Variants in C16orf95 observed in about 807,000 individuals in gnomAD.
The protein encoded by C16orf95 is uncharacterized protein C16orf95.
C16orf95 carries 41 observed loss-of-function variants against 32.1 expected under a neutral mutation model. That is an observed-to-expected ratio of 1.28 (90% CI 1.00 to 1.66). The LOEUF is 1.66. Ranked by LOEUF, C16orf95 falls within the 40% of genes most tolerant of loss-of-function variation. The pLI is 0.00. For synonymous variants in C16orf95, 147 were observed against 128.9 expected, an observed-to-expected ratio of 1.14 and a Z score of -0.95; for missense variants, 399 against 325.9, an observed-to-expected ratio of 1.22 and a Z score of -1.73.
rs1911260139 is a variant in C16orf95 at position 87,311,050 on chromosome 16, G to A, written c.477+100C>T. On this transcript the variant is annotated intron_variant, in intron 4 of 6. Transcript: ENST00000567970. ...ACCAGCAGAGGCCTTTGTGGGAGCAGAGCCCAGGTACCCCTCTTCCCCTTC... is the reference window on the plus strand; with the variant it reads ...ACCAGCAGAGGCCTTTGTGGGAGCAAAGCCCAGGTACCCCTCTTCCCCTTC... 4.2e-6 allele frequency: 5 copies of A among 1,178,950 alleles called. No homozygotes were observed. The South Asian group carries it at 9.2e-5, about 22-fold the overall frequency. The allele number at this position is 1,178,950 out of a possible 1,614,324, so 73.0% of individuals were successfully genotyped here. A position where few individuals can be genotyped will look rare whatever the true frequency, so the allele number is the denominator to read the frequency against.
chr16:87,317,378 G>T lies in C16orf95; in HGVS notation c.-136C>A. Reference sequence around the variant, plus strand: ...CCCCAGCCCCAACCTCAACCGCTCAGAGGAGCCCAACAACGCCCGCGCGCC... The same window carrying T: ...CCCCAGCCCCAACCTCAACCGCTCATAGGAGCCCAACAACGCCCGCGCGCC... On this transcript the variant is annotated 5_prime_UTR_variant, in exon 1 of 7. The change creates a new upstream start codon in the 5' untranslated region. Transcript: ENST00000567970. 7.1e-7 allele frequency: 1 copy of T among 1,403,122 alleles called. No homozygotes were observed. The allele number at this position is 1,403,122 out of a possible 1,614,324, so 86.9% of individuals were successfully genotyped here.
chr16:87,313,553 G>C (rs1045517394), intron 3 of C16orf95, among the ~76,000 whole-genome samples: 1 of 152,156 alleles, frequency 6.6e-6, no homozygotes, highest in Non-Finnish European at 1.5e-5. Flanking sequence ...GGGCAACATA[G>C]TGAGACCTCA....
rs1031909302 is a variant in C16orf95, at chr16:87,317,103, G to C, written c.140C>G (p.Ala47Gly). The change falls in exon 1 of 7, where the codon GCG becomes GGG. Residue 47 changes from alanine (A) to glycine (G), a missense_variant. By Grantham distance (60) the Ala-to-Gly change is moderately conservative (BLOSUM62 0). Coordinates refer to ENST00000567970, the MANE Select transcript of C16orf95 (RefSeq NM_001195124.3). ...AGGACTCACTTGCCTGCCATCCTGC[G>C]CGCTGGGTGTGAGTGCCAACCTGCA... ...GLCRLALTPS[A>G]QDGRNSTFQT... The C allele has an allele frequency of 6.6e-7, 1 of 1,526,040 alleles. No individual in the cohort carries two copies. The allele number at this position is 1,526,040 out of a possible 1,614,324, so 94.5% of individuals were successfully genotyped here. A position where few individuals can be genotyped will look rare whatever the true frequency, so the allele number is the denominator to read the frequency against.
intron 5 of C16orf95, among the ~76,000 whole-genome samples, chr16:87,308,297 A>G (rs949350815): frequency 2.0e-5 from 3 of 152,128 alleles, no homozygotes; most frequent in Non-Finnish European, 4.4e-5. Context: ...CCTGACCAAC[A>G]TGGTGAAATC....
intron 5 of C16orf95, among the ~76,000 whole-genome samples, chr16:87,308,476 CAATA>C (rs60809347): frequency 0.26 from 38,738 of 146,526 alleles, 5,417 homozygotes; most frequent in South Asian, 0.34. Context: ...GACTGCATCT[CAATA>C]AATAAATAAA....
At chr16:87,303,218 A>T (rs1910844831) in intron 6 of C16orf95, 143 bp from the exon 7 acceptor site, 2 of 815,896 alleles carry the variant, frequency 2.5e-6, no homozygotes, top group African/African-American at 3.4e-5. Flanking sequence ...CCAGGCAGGG[A>T]AGGGGTGCAG....
rs1213246237 is a variant in C16orf95, at chr16:87,315,199, C to A, written c.205-103G>T. 4.3e-5 allele frequency: 54 copies of A among 1,261,386 alleles called. 1 individual carries two copies. The South Asian group carries it at 7.8e-4, about 18-fold the overall frequency. 78.1% of individuals were successfully genotyped at this position (1,261,386 alleles called of 1,614,324 possible). ...GATCCGTGCTCAGGAAGATGGTGTC[C>A]GGGGGCAGGGTCCCCAGCTCCTACT... On this transcript the variant is annotated intron_variant, in intron 2 of 6. Transcript: ENST00000567970.
chr16:87,310,353 G>A lies in C16orf95; in HGVS notation c.478-20C>T. On this transcript the variant is annotated intron_variant, in intron 4 of 6. Coordinates refer to ENST00000567970, the MANE Select transcript of C16orf95 (RefSeq NM_001195124.3). ...GACTATCTAAAAGACAAGAATGGAG[G>A]CAAGCAGTCAGCCTGGCGACCCTCC... is the stretch of plus-strand genomic sequence containing the variant. 6.5e-7 allele frequency: 1 copy of A among 1,536,012 alleles called. No individual in the cohort carries two copies. The highest frequency in any genetic ancestry group is 8.7e-7 in the Non-Finnish European group (1 of 1,146,882).
At position 87,315,056 on chromosome 16, in the gene C16orf95, G is replaced by A; in HGVS notation, c.245C>T (p.Thr82Ile). 1 of 1,536,104 alleles carries A rather than the reference G, an allele frequency of 6.5e-7. No individual in the cohort carries two copies. The highest frequency in any genetic ancestry group is 8.7e-7 in the Non-Finnish European group (1 of 1,146,898). ...CACAGGCAGGCGGCCCCCGAATCTG[G>A]TCTGGCATTCACAGCAGATGGCCCA... ...GPWAICCECQ[T>I]RFGGRLPVSR... Residue 82 changes from threonine (T) to isoleucine (I), a missense_variant, in exon 3 of 7, where the codon ACC (threonine) becomes ATC (isoleucine). By Grantham distance (89) the Thr-to-Ile change is moderately conservative (BLOSUM62 -1). Transcript: ENST00000567970.
rs1910957220 is a variant in C16orf95, at chr16:87,305,185, G to A, written c.701+534C>T. ...CCTGGGGGAGGTATCCCAGCAGAAA[G>A]CCATGGCTGTGGGCAGCAAGGGTGC... On this transcript the variant is annotated intron_variant, in intron 6 of 6. Transcript: ENST00000567970. This position sits in a 1 kb window ranked among gnomAD's most constrained non-coding sequence, Gnocchi z 4.2. Among the ~76,000 whole-genome samples the A allele has an allele frequency of 6.6e-6, 1 of 152,192 alleles. No homozygotes were observed. The highest frequency in any genetic ancestry group is 6.5e-5 in the Admixed American group (1 of 15,288).
chr16:87,316,921 T>C (rs1043147594), intron 1 of C16orf95, among the ~76,000 whole-genome samples, 170 bp downstream of exon 1: 2 of 152,142 alleles, frequency 1.3e-5, no homozygotes, highest in African/African-American at 4.8e-5. Flanking sequence ...CTTCTGACAT[T>C]TTCAGTTATG....
In C16orf95 at chr16:87,305,669, ACGT is replaced by A; in HGVS notation, c.701+47_701+49del. Reference sequence around the variant, plus strand: ...TGGCCACCAAGCCTCCCTCAGGTGGACGTCACCATGCCAGGGCCACCCACTGTC... The same window carrying A: ...TGGCCACCAAGCCTCCCTCAGGTGGACACCATGCCAGGGCCACCCACTGTC... On this transcript the variant is annotated intron_variant, in intron 6 of 6. Transcript: ENST00000567970. This position sits in a 1 kb window ranked among gnomAD's most constrained non-coding sequence, Gnocchi z 4.2. 1.4e-6 allele frequency: 2 copies of A among 1,428,920 alleles called. No homozygotes were observed. The highest frequency in any genetic ancestry group is 1.8e-6 in the Non-Finnish European group (2 of 1,089,008). 88.5% of individuals were successfully genotyped at this position (1,428,920 alleles called of 1,614,324 possible).
At chr16:87,303,113 C>G in intron 6 of C16orf95, 38 bp from the exon 7 acceptor site, 2 of 1,535,914 alleles carry the variant, frequency 1.3e-6, no homozygotes, top group Non-Finnish European at 1.7e-6. Flanking sequence ...GGACCCGGCC[C>G]CAGGCTGAGA....
intron 6 of C16orf95, chr16:87,303,471 G>C (rs1910857876): frequency 5.2e-6 from 1 of 190,884 alleles, no homozygotes; most frequent in Admixed American, 5.4e-5. Flanking sequence ...CTCCAGGCCG[G>C]CAGACGGGCC....
chr16:87,307,491 G>A (rs1293650091), intron 5 of C16orf95, among the ~76,000 whole-genome samples: 1 of 152,232 alleles, frequency 6.6e-6, no homozygotes, highest in Non-Finnish European at 1.5e-5. Context: ...AGGCACGGTG[G>A]CTCACGCCTG....
In C16orf95 at chr16:87,311,313, G is replaced by C. The variant is rs1241175307; in HGVS notation, c.331-17C>G. On this transcript the variant is annotated splice_polypyrimidine_tract_variant and intron_variant, in intron 3 of 6. Coordinates refer to ENST00000567970, the MANE Select transcript of C16orf95 (RefSeq NM_001195124.3). ...CTTTTGACTCTAACAGAGAGGATGG[G>C]AGGAGAAGATTCAGAAGGGGATGGA... is the stretch of plus-strand genomic sequence containing the variant. 71 of 1,516,642 alleles carry C rather than the reference G, an allele frequency of 4.7e-5. No individual in the cohort carries two copies. Among genetic ancestry groups the C allele is most frequent in the Admixed American group, 7.9e-5 (4 of 50,364 alleles). The allele number at this position is 1,516,642 out of a possible 1,614,324, so 93.9% of individuals were successfully genotyped here.
At position 87,302,885 on chromosome 16, in the gene C16orf95, G is replaced by C. The variant is rs1910826507; in HGVS notation, c.*172C>G. On this transcript the variant is annotated 3_prime_UTR_variant, in exon 7 of 7. Coordinates refer to ENST00000567970, the MANE Select transcript of C16orf95 (RefSeq NM_001195124.3). Reference sequence around the variant, plus strand: ...ACTCACCCACATTCACATGAACTTTGCTACAACCAAGAATCACCTGATGAG... The same window carrying C: ...ACTCACCCACATTCACATGAACTTTCCTACAACCAAGAATCACCTGATGAG... 1.5e-6 allele frequency: 1 copy of C among 682,742 alleles called. No individual in the cohort carries two copies. The highest frequency in any genetic ancestry group is 2.5e-6 in the Non-Finnish European group (1 of 392,984). The allele number at this position is 682,742 out of a possible 1,614,324, so 42.3% of individuals were successfully genotyped here.
chr16:87,309,195 C>T (rs1911161192), intron 5 of C16orf95, among the ~76,000 whole-genome samples: 1 of 152,034 alleles, frequency 6.6e-6, no homozygotes, highest in African/African-American at 2.4e-5. Flanking sequence ...GTTCATGCTG[C>T]TCTGATAGGG....
intron 3 of C16orf95, among the ~76,000 whole-genome samples, chr16:87,312,235 G>A (rs954486917): frequency 6.6e-6 from 1 of 152,174 alleles, no homozygotes; most frequent in Non-Finnish European, 1.5e-5. Flanking sequence ...ACAGCAGGAG[G>A]AGGAGTTACA....
Sources: gnomAD v4.1 joint callset for allele counts (sites outside exome capture counted in the v4.1 genomes callset) on GRCh38, gnomAD v4.1.1 for gene constraint, Gnocchi (gnomAD v3.1) non-coding constraint, MANE v1.5 for transcripts, NCBI Gene and HGNC (gene_info 2026-07-23, HGNC 2026-07-21) for gene names.